The following RBPMS variants were observed in gnomAD, a reference collection of about 807,000 sequenced individuals.
RBPMS encodes the protein RNA binding protein, mRNA processing factor.
RBPMS carries 7 observed loss-of-function variants against 26.8 expected under a neutral mutation model. That is an observed-to-expected ratio of 0.26 (90% CI 0.15 to 0.49). The LOEUF (loss-of-function observed/expected upper bound fraction) is 0.49, where lower values mean the gene tolerates loss of function less well. RBPMS is among the 20% of genes least tolerant of loss of function. The pLI is 0.98. For synonymous variants in RBPMS, 96 were observed against 93.3 expected (o/e 1.03, Z -0.17); for missense variants, 186 against 250.0 (o/e 0.74, Z 1.73).
chr8:30,436,467 T>G lies in RBPMS; in HGVS notation c.67-38312T>G, dbSNP rs1790984833. The stretch of plus-strand genomic sequence containing the variant: ...GCTAACCATCTCTACCTCCCTCAAC[T>G]ACTTTCATAGGTCATAGTTTCCAGT... On this transcript the variant is annotated intron_variant, in intron 1 of 8. Transcript: ENST00000397323. Among the ~76,000 whole-genome samples the G allele has an allele frequency of 3.3e-5, 5 of 152,336 alleles. No homozygotes were observed. In the South Asian group the frequency reaches 1.0e-3, roughly 32 times the overall value.
chr8:30,554,804 G>A (rs1185043539), intron 6 of RBPMS, among the ~76,000 whole-genome samples: 1 of 152,154 alleles, frequency 6.6e-6, no homozygotes, highest in Non-Finnish European at 1.5e-5. Flanking sequence ...TTTCAGTAGT[G>A]ACTATTAATT....
chr8:30,514,680 C>CTTTTTTTTTTTTT lies in RBPMS; in HGVS notation c.397+10255_397+10267dup, dbSNP rs577244764. 1.0e-3 allele frequency among the ~76,000 whole-genome samples: 85 copies of CTTTTTTTTTTTTT among 82,636 alleles called. 11 individuals carry two copies. Among genetic ancestry groups the CTTTTTTTTTTTTT allele is most frequent in the Non-Finnish European group, 1.3e-3 (58 of 43,994 alleles). 54.2% of individuals were successfully genotyped at this position (82,636 alleles called of 152,430 possible). A position where few individuals can be genotyped will look rare whatever the true frequency, so the allele number is the denominator to read the frequency against. ...TACGGGTGCGAGCCACCATGCCGGGCTTTTTTTTTTTTTTTTTTTTTTTAA... is the reference window on the plus strand; with the variant it reads ...TACGGGTGCGAGCCACCATGCCGGGCTTTTTTTTTTTTTTTTTTTTTTTTTTTTTTTTTTTTAA... On this transcript the variant is annotated intron_variant, in intron 5 of 8. Coordinates refer to ENST00000397323, the MANE Select transcript of RBPMS (RefSeq NM_001008710.3).
intron 1 of RBPMS, among the ~76,000 whole-genome samples, chr8:30,431,695 G>T (rs766399410): frequency 8.5e-5 from 13 of 152,106 alleles, no homozygotes; most frequent in Non-Finnish European, 1.5e-4. Flanking sequence ...AGGTGATCCG[G>T]CCTGCCTCGT....
At chr8:30,553,243 C>A (rs1826546992) in intron 6 of RBPMS, 1 of 152,218 alleles carries the variant, frequency 6.6e-6, no homozygotes, top group Non-Finnish European at 1.5e-5. Context: ...GGTTCCTTTA[C>A]AAGAGGGCCT....
At chr8:30,451,757 A>G (rs1397977902) in intron 1 of RBPMS, among the ~76,000 whole-genome samples, 1 of 152,202 alleles carries the variant, frequency 6.6e-6, no homozygotes. Flanking sequence ...ATTCATGGAG[A>G]CATTTAGCCC....
chr8:30,519,458 C>CTTTTTTTTT (rs36017963), intron 5 of RBPMS, among the ~76,000 whole-genome samples: 2 of 89,460 alleles, frequency 2.2e-5, no homozygotes, highest in African/African-American at 8.8e-5. Flanking sequence ...GGATCTCTCT[C>CTTTTTTTTT]TTTTTTTTTT....
intron 1 of RBPMS, among the ~76,000 whole-genome samples, chr8:30,414,558 G>A (rs1261258743): frequency 2.6e-5 from 4 of 152,192 alleles, no homozygotes; most frequent in Non-Finnish European, 4.4e-5. Context: ...TCATGAGGCC[G>A]GAGCAGATAG....
intron 5 of RBPMS, among the ~76,000 whole-genome samples, chr8:30,504,751 C>A (rs1204850556): frequency 6.6e-6 from 1 of 152,166 alleles, no homozygotes; most frequent in African/African-American, 2.4e-5. Flanking sequence ...CTTCATTCCC[C>A]CCTGCTCGGA....
chr8:30,391,673 A>T (rs1278747925), intron 1 of RBPMS, among the ~76,000 whole-genome samples: 1 of 152,172 alleles, frequency 6.6e-6, no homozygotes, highest in Admixed American at 6.5e-5. Flanking sequence ...CCTAAAGTGT[A>T]CCAGGAGAAT....
chr8:30,530,861 T>TCAAAA (rs1167342995), intron 5 of RBPMS, among the ~76,000 whole-genome samples: 6 of 152,182 alleles, frequency 3.9e-5, no homozygotes, highest in Non-Finnish European at 8.8e-5. Context: ...CCTCTTTTGA[T>TCAAAA]GAGGAAATTT....
chr8:30,412,480 C>G (rs1371912405), intron 1 of RBPMS, among the ~76,000 whole-genome samples: 2 of 150,648 alleles, frequency 1.3e-5, no homozygotes, highest in Admixed American at 6.6e-5. Context: ...TAGTGTCAGT[C>G]TCGCACGTAC....
chr8:30,435,643 A>G (rs1812370420), intron 1 of RBPMS, among the ~76,000 whole-genome samples: 2 of 152,170 alleles, frequency 1.3e-5, no homozygotes, highest in Non-Finnish European at 1.5e-5. Flanking sequence ...GGAAGCATAG[A>G]GAAGAGAGAC....
chr8:30,500,937 C>A (rs751104242), intron 4 of RBPMS, among the ~76,000 whole-genome samples: 20 of 152,032 alleles, frequency 1.3e-4, no homozygotes, highest in Admixed American at 9.8e-4. Context: ...AGTCTGTCTT[C>A]CCTACCACCC....
intron 1 of RBPMS, among the ~76,000 whole-genome samples, chr8:30,422,650 A>G (rs1810929034): frequency 6.6e-6 from 1 of 152,146 alleles, no homozygotes; most frequent in South Asian, 2.1e-4. Context: ...GAACTTAATA[A>G]TGTACAAGAG....
At chr8:30,469,010 T>G (rs573902610) in intron 1 of RBPMS, among the ~76,000 whole-genome samples, 19 of 152,312 alleles carry the variant, frequency 1.2e-4, no homozygotes, top group African/African-American at 4.6e-4. Flanking sequence ...AGCAGCTAGA[T>G]AGATGACCTT....
chr8:30,491,700 A>T (rs1819416400), intron 4 of RBPMS, among the ~76,000 whole-genome samples: 2 of 152,108 alleles, frequency 1.3e-5, no homozygotes, highest in Non-Finnish European at 2.9e-5. Context: ...TGCACCAGCC[A>T]CTAATAAAAG....
chr8:30,519,218 C>G (rs1822732867), intron 5 of RBPMS, among the ~76,000 whole-genome samples: 1 of 152,068 alleles, frequency 6.6e-6, no homozygotes, highest in Admixed American at 6.6e-5. Context: ...CTCTCTTTCC[C>G]TCTCATACTG....
chr8:30,551,393 T>G (rs992139109), intron 6 of RBPMS, among the ~76,000 whole-genome samples: 2 of 152,122 alleles, frequency 1.3e-5, no homozygotes, highest in Non-Finnish European at 2.9e-5. Flanking sequence ...TTGGCCAGGG[T>G]CACTCACCCC....
intron 1 of RBPMS, among the ~76,000 whole-genome samples, chr8:30,421,589 A>C (rs965048274): frequency 4.6e-5 from 7 of 152,206 alleles, no homozygotes; most frequent in Non-Finnish European, 1.0e-4. Flanking sequence ...GGTACCTACT[A>C]TGTGCCAAGG....
Sources: allele counts gnomAD v4.1 joint callset (sites outside exome capture counted in the v4.1 genomes callset), GRCh38; gene constraint gnomAD v4.1.1; transcripts MANE v1.5; gene names NCBI Gene and HGNC (gene_info 2026-07-23, HGNC 2026-07-21).